The following CMTR2 variants were observed in gnomAD, a reference collection of about 807,000 sequenced individuals.
CMTR2 encodes cap methyltransferase 2.
CMTR2 carries 40 observed loss-of-function variants against 49.8 expected under a neutral mutation model. The observed-to-expected ratio is 0.80, with a 90% CI of 0.62 to 1.04. The LOEUF is 1.04. CMTR2 is among the 50% of genes least tolerant of loss of function. The pLI, the probability that CMTR2 is intolerant of heterozygous loss-of-function variation, is 0.00. For synonymous variants in CMTR2, 326 were observed against 315.8 expected (o/e 1.03, Z -0.34); for missense variants, 907 against 897.2 (o/e 1.01, Z -0.14).
chr16:71,284,680 G>A lies in CMTR2; in HGVS notation c.1241C>T (p.Ser414Phe). The A allele has an allele frequency of 1.2e-6, 2 of 1,612,554 alleles. No individual in the cohort carries two copies. Among genetic ancestry groups the A allele is most frequent in the Non-Finnish European group, 1.7e-6 (2 of 1,179,406 alleles). Residue 414 changes from serine (S) to phenylalanine (F), a missense_variant, in exon 3 of 3, where the codon TCC becomes TTC. Physicochemically the swap from Ser to Phe is radical, Grantham distance 155. Coordinates refer to ENST00000434935, the MANE Select transcript of CMTR2 (RefSeq NM_018348.6). ...TTTTTTTACTAGCCAATTATTTCTG[G>A]AAAGATGTTTCAGTTGAAATTTTTG... ...FMQKFQLKHL[S>F]RNNWLVKKSS...
At position 71,285,177 on chromosome 16, in the gene CMTR2, T is replaced by C. The variant is rs746133836; in HGVS notation, c.744A>G (p.Glu248=). 5.0e-6 allele frequency: 8 copies of C among 1,614,062 alleles called. No individual in the cohort carries two copies. The African/African-American group carries it at 1.1e-4, about 22-fold the overall frequency. Residue 248 remains glutamate (E), a synonymous_variant, in exon 3 of 3, where the codon GAA becomes GAG. Coordinates refer to ENST00000434935, the MANE Select transcript of CMTR2 (RefSeq NM_018348.6). The stretch of plus-strand genomic sequence containing the variant: ...AGTAATGCAAAGAAGAAACTAAAGC[T>C]TCTTGTTCACCTGGGTTTCCTTGGC... The part of the protein sequence containing the change: ...FDCQGNPGEQ[E]ALVSSLHYCE...
Position 71,284,055 on chromosome 16 carries a change from G to T in CMTR2, c.1866C>A (p.Tyr622Ter). 6.2e-7 allele frequency: 1 copy of T among 1,614,036 alleles called. No homozygotes were observed. The highest frequency in any genetic ancestry group is 8.5e-7 in the Non-Finnish European group (1 of 1,179,942). ...CSLLHDGDPT[Y>*]QRLFLDCLLH... ...GAAGGCAGTCCAAAAATAAACGCTGGTAAGTTGGATCTCCATCATGAAGCA... is the reference window on the plus strand; with the variant it reads ...GAAGGCAGTCCAAAAATAAACGCTGTTAAGTTGGATCTCCATCATGAAGCA... The change falls in exon 3 of 3, where the codon TAC becomes TAA. Residue 622 changes from tyrosine (Y) to a stop codon, truncating the protein, a stop_gained. Coordinates refer to ENST00000434935, the MANE Select transcript of CMTR2 (RefSeq NM_018348.6). LOFTEE classifies it high-confidence loss of function.
rs3826247 is a variant in CMTR2 at position 71,285,636 on chromosome 16, C to T, written c.285G>A (p.Ala95=). 999,735 of 1,613,130 alleles carry T rather than the reference C, an allele frequency of 0.62. 317,623 individuals carry two copies. Among genetic ancestry groups the T allele is most frequent in the Admixed American group, 0.72 (43,302 of 59,968 alleles). ...TTCTAACATGAGAAATGATTTTCCC[C>T]GCTTTATTAGTGAAAGCAGTGTGCT... is the stretch of plus-strand genomic sequence containing the variant. ...WHEHTAFTNK[A]GKIISHVRKS... is the part of the protein sequence containing the mutation. Residue 95 remains alanine, a synonymous_variant, in exon 3 of 3, where the codon GCG becomes GCA. Coordinates refer to ENST00000434935, the MANE Select transcript of CMTR2 (RefSeq NM_018348.6).
Position 71,284,684 on chromosome 16 carries a change from G to T in CMTR2, c.1237C>A (p.Leu413Ile). The change falls in exon 3 of 3, where the codon CTT (leucine) becomes ATT (isoleucine). Residue 413 changes from leucine (L) to isoleucine (I), a missense_variant. Leu to Ile is a conservative substitution (Grantham distance 5). Coordinates refer to ENST00000434935, the MANE Select transcript of CMTR2 (RefSeq NM_018348.6). ...TTTACTAGCCAATTATTTCTGGAAA[G>T]ATGTTTCAGTTGAAATTTTTGCATA... The part of the protein sequence containing the change: ...YFMQKFQLKH[L>I]SRNNWLVKKS... 1 of 1,612,750 alleles carries T rather than the reference G, an allele frequency of 6.2e-7. No individual in the cohort carries two copies. The highest frequency in any genetic ancestry group is 8.5e-7 in the Non-Finnish European group (1 of 1,179,430).
chr16:71,283,261 A>C lies in CMTR2; in HGVS notation c.*347T>G. The C allele has an allele frequency of 5.2e-6, 1 of 190,726 alleles. No homozygotes were observed. Among genetic ancestry groups the C allele is most frequent in the South Asian group, 1.8e-4 (1 of 5,460 alleles). The allele number at this position is 190,726 out of a possible 1,614,324, so 11.8% of individuals were successfully genotyped here. ...GGAAATCGGCTGGAAAAAAAAAACT[A>C]ATCTGAACAAAGGTACACAGATGCA... On this transcript the variant is annotated 3_prime_UTR_variant, in exon 3 of 3. Coordinates refer to ENST00000434935, the MANE Select transcript of CMTR2 (RefSeq NM_018348.6).
In CMTR2 at chr16:71,283,784, G is replaced by C. The variant is rs1315705261; in HGVS notation, c.2137C>G (p.Leu713Val). 6.2e-7 allele frequency: 1 copy of C among 1,613,856 alleles called. No homozygotes were observed. The highest frequency in any genetic ancestry group is 1.3e-5 in the African/African-American group (1 of 74,912). Residue 713 changes from leucine (L) to valine (V), a missense_variant, in exon 3 of 3, where the codon CTC becomes GTC. By Grantham distance (32) the Leu-to-Val change is conservative. Transcript: ENST00000434935. ...QSVNELLSTL[L>V]NSDSPQQVLQ... ...ACCTGCTGGGGTGAGTCAGAGTTGA[G>C]CAAAGTGCTCAACAATTCATTCACA...
In CMTR2 at chr16:71,284,794, G is replaced by A; in HGVS notation, c.1127C>T (p.Ser376Phe). 1 of 1,613,768 alleles carries A rather than the reference G, an allele frequency of 6.2e-7. No homozygotes were observed. Among genetic ancestry groups the A allele is most frequent in the Non-Finnish European group, 8.5e-7 (1 of 1,179,952 alleles). The change falls in exon 3 of 3, where the codon TCT becomes TTT. Residue 376 changes from serine to phenylalanine, a missense_variant. Coordinates refer to ENST00000434935, the MANE Select transcript of CMTR2 (RefSeq NM_018348.6). Reference protein sequence around the residue: ...FFHKYQLETISENIRLFECMG... With the variant: ...FFHKYQLETIFENIRLFECMG... ...GCACTCAAATAGACGAATGTTTTCA[G>A]AAATAGTCTCTAGCTGATATTTATG...
rs2041680411 is a variant in CMTR2 at position 71,284,601 on chromosome 16, A to G, written c.1320T>C (p.Tyr440=). ...NTKWFGQRNK[Y]FKTYNERKML... Reference sequence around the variant, plus strand: ...TCTTCCTTTCATTATAAGTTTTAAAATATTTGTTCCTCTGCCCAAACCATT... The same window carrying G: ...TCTTCCTTTCATTATAAGTTTTAAAGTATTTGTTCCTCTGCCCAAACCATT... The change falls in exon 3 of 3, where the codon TAT becomes TAC. Residue 440 remains tyrosine, a synonymous_variant. Coordinates refer to ENST00000434935, the MANE Select transcript of CMTR2 (RefSeq NM_018348.6). 1.2e-6 allele frequency: 2 copies of G among 1,613,514 alleles called. No homozygotes were observed. Among genetic ancestry groups the G allele is most frequent in the African/African-American group, 1.3e-5 (1 of 74,892 alleles).
chr16:71,284,329 A>C lies in CMTR2; in HGVS notation c.1592T>G (p.Phe531Cys). ...TGGCCTAAACTTGGAATCCAAATTA[A>C]AAGCTCCTCCTAATGACTTTTCAAT... is the stretch of plus-strand genomic sequence containing the variant. ...EAIEKSLGGA[F>C]NLDSKFRPKQ... The change falls in exon 3 of 3, where the codon TTT becomes TGT. Residue 531 changes from phenylalanine (F) to cysteine (C), a missense_variant. Coordinates refer to ENST00000434935, the MANE Select transcript of CMTR2 (RefSeq NM_018348.6). 1 of 1,613,714 alleles carries C rather than the reference A, an allele frequency of 6.2e-7. No individual in the cohort carries two copies. Among genetic ancestry groups the C allele is most frequent in the Non-Finnish European group, 8.5e-7 (1 of 1,179,924 alleles).
Position 71,284,530 on chromosome 16 carries a change from A to C in CMTR2, c.1391T>G (p.Phe464Cys). Reference sequence around the variant, plus strand: ...ACCATGTTCTTCAGCCCAACTATTAAAGTATCCTTTGGCTACTTTATCTTT... The same window carrying C: ...ACCATGTTCTTCAGCCCAACTATTACAGTATCCTTTGGCTACTTTATCTTT... ...SWKDKVAKGYFNSWAEEHGVY... is the reference protein window; with the variant it reads ...SWKDKVAKGYCNSWAEEHGVY... The change falls in exon 3 of 3, where the codon TTT becomes TGT. Residue 464 changes from phenylalanine to cysteine, a missense_variant. By Grantham distance (205) the Phe-to-Cys change is radical (BLOSUM62 -2). Transcript: ENST00000434935. 6.2e-7 allele frequency: 1 copy of C among 1,613,778 alleles called. No individual in the cohort carries two copies. Among genetic ancestry groups the C allele is most frequent in the Non-Finnish European group, 8.5e-7 (1 of 1,179,928 alleles).
Position 71,285,612 on chromosome 16 carries a change from T to C in CMTR2, c.309A>G (p.Arg103=). The part of the protein sequence containing the change: ...NKAGKIISHV[R]KSVNAELCTQ... ...TACAAAGTTCAGCATTCACAGATTT[T>C]CTAACATGAGAAATGATTTTCCCCG... Residue 103 remains arginine (R), a synonymous_variant, in exon 3 of 3, where the codon AGA becomes AGG. Coordinates refer to ENST00000434935, the MANE Select transcript of CMTR2 (RefSeq NM_018348.6). 6.2e-7 allele frequency: 1 copy of C among 1,614,154 alleles called. No homozygotes were observed. The highest frequency in any genetic ancestry group is 8.5e-7 in the Non-Finnish European group (1 of 1,180,016).
chr16:71,283,568 T>A lies in CMTR2; in HGVS notation c.*40A>T. The stretch of plus-strand genomic sequence containing the variant: ...CAACAGGATGCAAATACTGGGCAAA[T>A]TATAAGAAATCATAAAGTTGAATCT... On this transcript the variant is annotated 3_prime_UTR_variant, in exon 3 of 3. Transcript: ENST00000434935. 1 of 1,558,764 alleles carries A rather than the reference T, an allele frequency of 6.4e-7. No individual in the cohort carries two copies. The highest frequency in any genetic ancestry group is 2.2e-5 in the East Asian group (1 of 44,554).
At chr16:71,286,620 A>C (rs1328550688) in intron 2 of CMTR2, 3 of 152,036 alleles carry the variant, frequency 2.0e-5, no homozygotes, top group African/African-American at 7.3e-5. Context: ...CCAATCACCT[A>C]TACAGGTCAT....
At chr16:71,286,771 C>G (rs1453714638) in intron 2 of CMTR2, 3 of 152,044 alleles carry the variant, frequency 2.0e-5, no homozygotes, top group African/African-American at 7.2e-5. Flanking sequence ...ATGGTTCAGA[C>G]AGCTCCACAC....
In CMTR2 at chr16:71,285,330, C is replaced by T. The variant is rs892044090; in HGVS notation, c.591G>A (p.Leu197=). 14 of 1,614,052 alleles carry T rather than the reference C, an allele frequency of 8.7e-6. No homozygotes were observed. The highest frequency in any genetic ancestry group is 1.2e-5 in the Non-Finnish European group (14 of 1,179,962). Residue 197 remains leucine, a synonymous_variant, in exon 3 of 3, where the codon TTG becomes TTA. Transcript: ENST00000434935. ...TATCTGGACCAAAGTACCACCAGTG[C>T]AAGGTATTTGCAATAAGCCGGTCAT... ...IMDDRLIANT[L]HWWYFGPDNT...
Position 71,282,791 on chromosome 16 carries a change from A to C in CMTR2, c.*817T>G, listed in dbSNP as rs890368995. The C allele has an allele frequency of 2.0e-5, 3 of 152,582 alleles. No homozygotes were observed. Among genetic ancestry groups the C allele is most frequent in the African/African-American group, 7.2e-5 (3 of 41,450 alleles). The allele number at this position is 152,582 out of a possible 1,614,324, so 9.5% of individuals were successfully genotyped here. ...TAAACACTATCTCAAAATCTTAAAAAATCTTTCCATTCACAGATTATTTCC... is the reference window on the plus strand; with the variant it reads ...TAAACACTATCTCAAAATCTTAAAACATCTTTCCATTCACAGATTATTTCC... On this transcript the variant is annotated 3_prime_UTR_variant, in exon 3 of 3. Coordinates refer to ENST00000434935, the MANE Select transcript of CMTR2 (RefSeq NM_018348.6).
chr16:71,288,592 T>G (rs2041771954), intron 2 of CMTR2: 1 of 150,362 alleles, frequency 6.7e-6, no homozygotes, highest in South Asian at 2.1e-4. Context: ...AGGTTCTGAA[T>G]ATGAGTCATT....
intron 2 of CMTR2, chr16:71,288,390 C>T (rs1341363277): frequency 6.6e-6 from 1 of 152,184 alleles, no homozygotes; most frequent in Non-Finnish European, 1.5e-5. Flanking sequence ...CTATAACTTC[C>T]TTCTTTTTGT....
At position 71,283,426 on chromosome 16, in the gene CMTR2, G is replaced by A. The variant is rs1020904574; in HGVS notation, c.*182C>T. ...ATTCCACCACGTGGAAGAGCTCTAT[G>A]CCTGTGGGTGTATATACCCTAGAGA... On this transcript the variant is annotated 3_prime_UTR_variant, in exon 3 of 3. Transcript: ENST00000434935. The A allele has an allele frequency of 4.6e-6, 3 of 650,682 alleles. No homozygotes were observed. The highest frequency in any genetic ancestry group is 7.8e-6 in the Non-Finnish European group (3 of 383,706). 40.3% of individuals were successfully genotyped at this position (650,682 alleles called of 1,614,324 possible).
Sources: allele counts gnomAD v4.1 joint callset, GRCh38; gene constraint gnomAD v4.1.1; transcripts MANE v1.5; gene names NCBI Gene and HGNC (gene_info 2026-07-23, HGNC 2026-07-21).